The following GLI2 variants were observed in gnomAD, a reference collection of about 807,000 sequenced individuals.
The protein encoded by GLI2 is GLI family zinc finger 2.
Under a neutral mutation model 78.9 loss-of-function variants are expected in GLI2, and 22 were observed. That is an observed-to-expected ratio of 0.28 (90% CI 0.20 to 0.40). The LOEUF is 0.40. Among genes scored for constraint, GLI2 ranks in the 10% least tolerant of loss-of-function variants. GLI2 has a pLI of 1.00. For missense variants in GLI2, 2,097 were observed against 2,213.2 expected (o/e 0.95, Z 1.05); for synonymous variants, 974 against 963.7 (o/e 1.01, Z -0.20).
At chr2:120,854,541 G>A (rs774051753) in intron 2 of GLI2, among the ~76,000 whole-genome samples, 8 of 152,180 alleles carry the variant, frequency 5.3e-5, no homozygotes, top group Admixed American at 6.5e-5. Flanking sequence ...AGAACCTTTG[G>A]AACCCTGAGG....
intron 9 of GLI2, among the ~76,000 whole-genome samples, chr2:120,977,191 G>A (rs1277053157): frequency 2.0e-5 from 3 of 152,170 alleles, no homozygotes; most frequent in East Asian, 1.9e-4. Flanking sequence ...TCTTTTGGTG[G>A]CAGAGTTCCA....
At chr2:120,768,397 G>A (rs1394130652) in intron 1 of GLI2, among the ~76,000 whole-genome samples, 1 of 152,236 alleles carries the variant, frequency 6.6e-6, no homozygotes, top group Non-Finnish European at 1.5e-5. Context: ...TACTGTGGGT[G>A]GGCCTGTTGA....
At chr2:120,841,366 A>C (rs1415883544) in intron 2 of GLI2, among the ~76,000 whole-genome samples, 1 of 152,178 alleles carries the variant, frequency 6.6e-6, no homozygotes, top group Non-Finnish European at 1.5e-5. Flanking sequence ...GGGCCTAGTG[A>C]AGAGAGAGGA....
intron 5 of GLI2, among the ~76,000 whole-genome samples, chr2:120,960,239 C>T (rs1037203798): frequency 7.2e-5 from 11 of 152,196 alleles, no homozygotes; most frequent in Non-Finnish European, 1.6e-4. Flanking sequence ...CCTGTCCCGA[C>T]CTGACGCCCC....
intron 2 of GLI2, among the ~76,000 whole-genome samples, chr2:120,799,353 C>G (rs1434863116): frequency 6.6e-6 from 1 of 152,190 alleles, no homozygotes; most frequent in Non-Finnish European, 1.5e-5. Flanking sequence ...GTGGACCCAG[C>G]CTTCGTGAGC....
At chr2:120,760,009 C>T (rs924931779) in intron 1 of GLI2, among the ~76,000 whole-genome samples, 3 of 152,220 alleles carry the variant, frequency 2.0e-5, no homozygotes, top group African/African-American at 7.2e-5. Context: ...GGTGAGAGCC[C>T]TGGGGGAGCT....
At chr2:120,919,733 G>A (rs1264556620) in intron 2 of GLI2, among the ~76,000 whole-genome samples, 1 of 152,278 alleles carries the variant, frequency 6.6e-6, no homozygotes, top group Non-Finnish European at 1.5e-5. Context: ...CCTGGCCACA[G>A]CCAAGGGGCT....
At chr2:120,881,623 TGGG>T (rs1351864230) in intron 2 of GLI2, among the ~76,000 whole-genome samples, 1 of 23,358 alleles carries the variant, frequency 4.3e-5, no homozygotes, top group African/African-American at 1.7e-4. Context: ...GGAGGACAGG[TGGG>T]GGAGGACAGT....
chr2:120,980,511 T>C (rs1682670447), intron 10 of GLI2, among the ~76,000 whole-genome samples: 1 of 152,214 alleles, frequency 6.6e-6, no homozygotes, highest in Non-Finnish European at 1.5e-5. Flanking sequence ...TTGTAAGAAT[T>C]TTTCATATAT....
At chr2:120,847,453 AC>A (rs1687174065) in intron 2 of GLI2, among the ~76,000 whole-genome samples, 1 of 152,114 alleles carries the variant, frequency 6.6e-6, no homozygotes, top group African/African-American at 2.4e-5. Context: ...AGACCACTGC[AC>A]CCAGGGACCC....
chr2:120,849,042 G>A (rs181442932), intron 2 of GLI2, among the ~76,000 whole-genome samples: 1 of 152,214 alleles, frequency 6.6e-6, no homozygotes, highest in Admixed American at 6.5e-5. Context: ...CAACATGGAT[G>A]AACCCCAAGG....
At chr2:120,955,165 T>G in intron 4 of GLI2, 80 bp from the exon 5 acceptor site, 1 of 615,722 alleles carries the variant, frequency 1.6e-6, no homozygotes, top group Non-Finnish European at 2.7e-6. Context: ...TTTTTTTTTT[T>G]TTTTTTTTTT....
chr2:120,832,278 T>C (rs1416930268), intron 2 of GLI2, among the ~76,000 whole-genome samples: 1 of 152,070 alleles, frequency 6.6e-6, no homozygotes, highest in Non-Finnish European at 1.5e-5. Context: ...GACTTGAAAA[T>C]GAAGTACCCA....
intron 1 of GLI2, among the ~76,000 whole-genome samples, chr2:120,752,871 T>A (rs1396140700): frequency 6.6e-6 from 1 of 152,208 alleles, no homozygotes; most frequent in African/African-American, 2.4e-5. Context: ...TGTGAGCACA[T>A]AAACAGCTTC....
chr2:120,753,959 T>C (rs1190818051), intron 1 of GLI2, among the ~76,000 whole-genome samples: 1 of 151,968 alleles, frequency 6.6e-6, no homozygotes, highest in African/African-American at 2.4e-5. Flanking sequence ...TTCTCACATG[T>C]TACAAACATT....
rs11439015 is a variant in GLI2 at position 120,920,900 on chromosome 2, G to GAAA, written c.149-6448_149-6446dup. ...TAATTTTGGATTTTTTCTTTTACTT[G>GAAA]AAAAAAAAAAAAAAACACAAAAGCC... On this transcript the variant is annotated intron_variant, in intron 2 of 13. Transcript: ENST00000361492. 7.9e-5 allele frequency among the ~76,000 whole-genome samples: 11 copies of GAAA among 140,126 alleles called. No individual in the cohort carries two copies. In the East Asian group the frequency reaches 1.2e-3, roughly 16 times the overall value. The allele number at this position is 140,126 out of a possible 152,430, so 91.9% of individuals were successfully genotyped here. A position where few individuals can be genotyped will look rare whatever the true frequency, so the allele number is the denominator to read the frequency against.
At position 120,957,031 on chromosome 2, in the gene GLI2, C is replaced by G. The variant is rs375316068; in HGVS notation, c.643+1601C>G. On this transcript the variant is annotated intron_variant, in intron 5 of 13. Coordinates refer to ENST00000361492, the MANE Select transcript of GLI2 (RefSeq NM_001374353.1). Reference sequence around the variant, plus strand: ...CCTCTGGCTGCTCCTTCACTCTTTGCCTGGCCCACCTCATACTTACAGCAA... The same window carrying G: ...CCTCTGGCTGCTCCTTCACTCTTTGGCTGGCCCACCTCATACTTACAGCAA... Among the ~76,000 whole-genome samples the G allele has an allele frequency of 4.6e-5, 7 of 152,338 alleles. No individual in the cohort carries two copies. The South Asian group carries it at 6.2e-4, about 14-fold the overall frequency.
At chr2:120,789,094 C>T (rs546383991) in intron 1 of GLI2, among the ~76,000 whole-genome samples, 3 of 147,836 alleles carry the variant, frequency 2.0e-5, no homozygotes, top group African/African-American at 2.6e-5. Flanking sequence ...TGTAGCGACA[C>T]GATCTCTGCT....
At chr2:120,887,113 T>G (rs949364554) in intron 2 of GLI2, among the ~76,000 whole-genome samples, 4 of 152,178 alleles carry the variant, frequency 2.6e-5, no homozygotes, top group Admixed American at 6.5e-5. Flanking sequence ...TGGCCCCCGA[T>G]CAATGCCTGT....
Sources: allele counts gnomAD v4.1 joint callset (sites outside exome capture counted in the v4.1 genomes callset), GRCh38; gene constraint gnomAD v4.1.1; transcripts MANE v1.5; gene names NCBI Gene and HGNC (gene_info 2026-07-23, HGNC 2026-07-21).